The following MID1 variants were observed in gnomAD, a reference collection of about 807,000 sequenced individuals.
MID1 encodes the protein midline 1.
In MID1, 7 loss-of-function variants were observed where a neutral mutation model predicts 40.4. The ratio of observed to expected loss-of-function variants is 0.17; its 90% CI spans 0.10 to 0.33. The LOEUF (loss-of-function observed/expected upper bound fraction) is 0.33. Among genes scored for constraint, MID1 ranks in the 10% least tolerant of loss-of-function variants. MID1 has a pLI of 1.00. For missense variants in MID1, 367 were observed against 558.5 expected (o/e 0.66, Z 3.46); for synonymous variants, 229 against 221.2 (o/e 1.04, Z -0.31).
chrX:10,832,957 A>T (rs760797994), intron 1 of MID1, among the ~76,000 whole-genome samples: 3 of 112,788 alleles, frequency 2.7e-5, no homozygotes, highest in Admixed American at 9.4e-5. Context: ...ATATAAATAG[A>T]CATACGCTCC....
intron 1 of MID1, among the ~76,000 whole-genome samples, chrX:10,765,698 T>A (rs1404723339): frequency 2.7e-5 from 3 of 111,171 alleles, no homozygotes; most frequent in Non-Finnish European, 5.6e-5. Flanking sequence ...GTTTGAACAA[T>A]AAGCATGTGC....
intron 1 of MID1, among the ~76,000 whole-genome samples, chrX:10,570,203 C>T (rs1934683866): frequency 1.8e-5 from 2 of 111,404 alleles, no homozygotes; most frequent in African/African-American, 6.5e-5. Context: ...GTTCTGACTC[C>T]TCAAACATGC....
chrX:10,742,065 C>T (rs917927605), intron 1 of MID1, among the ~76,000 whole-genome samples: 1 of 110,851 alleles, frequency 9.0e-6, no homozygotes, highest in Non-Finnish European at 1.9e-5. Context: ...GTTGCTACCA[C>T]AGCCCCTCCC....
intron 3 of MID1, among the ~76,000 whole-genome samples, chrX:10,499,972 G>A (rs1391667975): frequency 3.6e-5 from 4 of 112,235 alleles, no homozygotes; most frequent in Non-Finnish European, 7.5e-5. Flanking sequence ...TCTCTTAGCC[G>A]TGTGGAATTA....
intron 1 of MID1, among the ~76,000 whole-genome samples, chrX:10,569,608 C>T: frequency 8.9e-6 from 1 of 112,367 alleles, no homozygotes; most frequent in Non-Finnish European, 1.9e-5. Flanking sequence ...TTTTGGTCTG[C>T]TCTGTTCTCA....
intron 1 of MID1, among the ~76,000 whole-genome samples, chrX:10,799,350 G>C (rs2043990002): frequency 8.9e-6 from 1 of 112,077 alleles, no homozygotes; most frequent in South Asian, 3.7e-4. Context: ...ACTGAGTTTA[G>C]ACAAAGTAAT....
chrX:10,659,296 C>A (rs982755851), intron 1 of MID1, among the ~76,000 whole-genome samples: 1 of 111,653 alleles, frequency 9.0e-6, no homozygotes, highest in African/African-American at 3.3e-5. Context: ...ACTATGGAGT[C>A]AGGTGCACAG....
At chrX:10,451,272 G>T (rs776021009) in intron 9 of MID1, among the ~76,000 whole-genome samples, 1 of 111,741 alleles carries the variant, frequency 8.9e-6, no homozygotes, top group African/African-American at 3.3e-5. Context: ...CTCTGCTATT[G>T]TGATGCCTTT....
At chrX:10,460,517 G>C (rs1005163510) in intron 7 of MID1, among the ~76,000 whole-genome samples, 1 of 111,324 alleles carries the variant, frequency 9.0e-6, no homozygotes, top group African/African-American at 3.3e-5. Flanking sequence ...GTTGATGGCT[G>C]AAAACATCTC....
intron 1 of MID1, among the ~76,000 whole-genome samples, chrX:10,812,679 T>G (rs1478421635): frequency 1.8e-5 from 2 of 111,760 alleles, no homozygotes; most frequent in Admixed American, 9.5e-5. Flanking sequence ...GAGGAAGACA[T>G]CTGAGACTGG....
intron 2 of MID1, among the ~76,000 whole-genome samples, chrX:10,535,839 G>A (rs1933226295): frequency 9.0e-6 from 1 of 111,717 alleles, no homozygotes; most frequent in African/African-American, 3.3e-5. Context: ...ACTTTCAAAC[G>A]TCAACTCAGG....
chrX:10,569,322 T>C (rs938057445), intron 1 of MID1, among the ~76,000 whole-genome samples: 1 of 111,933 alleles, frequency 8.9e-6, no homozygotes, highest in Admixed American at 9.5e-5. Flanking sequence ...ATTTATTATA[T>C]AGGAAAGAAT....
chrX:10,505,293 C>T, intron 3 of MID1: 2 of 722,783 alleles, frequency 2.8e-6, no homozygotes, highest in Non-Finnish European at 3.3e-6. Flanking sequence ...CTACACTCAA[C>T]TGACTTCAAT....
chrX:10,738,438 A>C lies in MID1; in HGVS notation c.-187+95116T>G, dbSNP rs1057000800. ...AAGGAGTAAGACCCAGTCATGAAAA[A>C]CAAATGACAACAGCTCTGAGATCAG... is the stretch of plus-strand genomic sequence containing the variant. On this transcript the variant is annotated intron_variant, in intron 1 of 10. Transcript: ENST00000380785. 1.9e-4 allele frequency among the ~76,000 whole-genome samples: 21 copies of C among 111,512 alleles called. 1 individual carries two copies. The highest frequency in any genetic ancestry group is 6.2e-4 in the African/African-American group (19 of 30,674).
intron 1 of MID1, among the ~76,000 whole-genome samples, chrX:10,596,205 A>G (rs1935407945): frequency 8.9e-6 from 1 of 111,879 alleles, no homozygotes; most frequent in Non-Finnish European, 1.9e-5. Context: ...GTTCTGTCTT[A>G]GAAGGACTGA....
chrX:10,582,702 T>C (rs1369074392), intron 1 of MID1: 9 of 112,023 alleles, frequency 8.0e-5, no homozygotes, highest in Non-Finnish European at 1.5e-4. Context: ...GCCTCACCCA[T>C]AGATTTTGCT....
intron 1 of MID1, among the ~76,000 whole-genome samples, chrX:10,642,267 C>A (rs1371099441): frequency 9.0e-6 from 1 of 111,386 alleles, no homozygotes; most frequent in East Asian, 2.8e-4. Flanking sequence ...TTTAGAAAAT[C>A]CCATCGTCTC....
At chrX:10,720,283 T>G (rs1324349624) in intron 1 of MID1, among the ~76,000 whole-genome samples, 2 of 111,222 alleles carry the variant, frequency 1.8e-5, no homozygotes, top group Non-Finnish European at 3.8e-5. Flanking sequence ...GGGAGAAAAT[T>G]TTTGCAACCT....
At chrX:10,710,914 A>G (rs1257591246) in intron 1 of MID1, among the ~76,000 whole-genome samples, 1 of 111,604 alleles carries the variant, frequency 9.0e-6, no homozygotes, top group African/African-American at 3.3e-5. Flanking sequence ...ATGCTCCTCA[A>G]TTTTGCTCTG....
Sources: allele counts gnomAD v4.1 joint callset (sites outside exome capture counted in the v4.1 genomes callset), GRCh38; gene constraint gnomAD v4.1.1; transcripts MANE v1.5; gene names NCBI Gene and HGNC (gene_info 2026-07-23, HGNC 2026-07-21).